Variants in ZNF292 observed in about 807,000 individuals in gnomAD.
ZNF292 encodes 16 zinc-finger domain protein.
In ZNF292, 26 loss-of-function variants were observed where a neutral mutation model predicts 217.9. That is an observed-to-expected ratio of 0.12 (90% confidence interval 0.09 to 0.17). The LOEUF is 0.17. ZNF292 is among the 10% of genes least tolerant of loss of function. ZNF292 has a pLI of 1.00. For synonymous variants in ZNF292, 1,257 were observed against 1,124.1 expected (o/e 1.12, Z -2.37); for missense variants, 2,904 against 3,175.2 (o/e 0.91, Z 2.05).
intron 1 of ZNF292, among the ~76,000 whole-genome samples, chr6:87,199,083 G>A (rs1351984729): frequency 2.6e-5 from 4 of 152,154 alleles, no homozygotes; most frequent in Non-Finnish European, 5.9e-5. Flanking sequence ...TTAAGAAACT[G>A]ACTATCCAAA....
chr6:87,180,795 G>A (rs1771449373), intron 1 of ZNF292, among the ~76,000 whole-genome samples: 1 of 152,056 alleles, frequency 6.6e-6, no homozygotes, highest in Admixed American at 6.6e-5. Flanking sequence ...TTCCTTCCGT[G>A]GATACCCTCA....
chr6:87,260,059 C>T lies in ZNF292; in HGVS notation c.6430C>T (p.Pro2144Ser). The T allele has an allele frequency of 6.2e-7, 1 of 1,613,546 alleles. No homozygotes were observed. The highest frequency in any genetic ancestry group is 8.5e-7 in the Non-Finnish European group (1 of 1,179,634). The change falls in exon 8 of 8, where the codon CCT (proline) becomes TCT (serine). Residue 2144 changes from proline (P) to serine (S), a missense_variant. Transcript: ENST00000369577. ...CCAGGCTGTACACAAATCAGATCTA[C>T]CTGCATTTTCAGCAGAGGTCGAAGA... is the stretch of plus-strand genomic sequence containing the variant. ...HYQAVHKSDL[P>S]AFSAEVEEES...
rs549081190 is a variant in ZNF292, at chr6:87,236,845, T to C, written c.741+3318T>C. Among the ~76,000 whole-genome samples, 68 of 152,380 alleles carry C rather than the reference T, an allele frequency of 4.5e-4. No homozygotes were observed. The East Asian group carries it at 0.012, about 26-fold the overall frequency. On this transcript the variant is annotated intron_variant, in intron 5 of 7. Coordinates refer to ENST00000369577, the MANE Select transcript of ZNF292 (RefSeq NM_015021.3). ...TCATATAGATCAACCTTATTCTTTC[T>C]CATGGCTACATAATTCCATAGTATG...
intron 1 of ZNF292, among the ~76,000 whole-genome samples, chr6:87,158,336 T>C (rs1770613043): frequency 6.6e-6 from 1 of 152,180 alleles, no homozygotes. Context: ...CTATTTATGT[T>C]AGTGATCTTG....
intron 7 of ZNF292, among the ~76,000 whole-genome samples, chr6:87,246,496 G>A (rs538450835): frequency 6.6e-6 from 1 of 152,214 alleles, no homozygotes; most frequent in African/African-American, 2.4e-5. Flanking sequence ...TGGAGATTGG[G>A]ATATGTTGCT....
intron 1 of ZNF292, among the ~76,000 whole-genome samples, chr6:87,214,228 T>C (rs1229674073): frequency 6.6e-6 from 1 of 152,318 alleles, no homozygotes; most frequent in East Asian, 1.9e-4. Context: ...AGCTACAATG[T>C]CATTTGTTCA....
At chr6:87,196,339 C>CAT (rs1380002177) in intron 1 of ZNF292, among the ~76,000 whole-genome samples, 2 of 152,180 alleles carry the variant, frequency 1.3e-5, no homozygotes, top group Non-Finnish European at 2.9e-5. Flanking sequence ...CCACTTTCAG[C>CAT]ATTGCCACTT....
chr6:87,204,112 T>C (rs1263911375), intron 1 of ZNF292, among the ~76,000 whole-genome samples: 1 of 152,186 alleles, frequency 6.6e-6, no homozygotes, highest in Non-Finnish European at 1.5e-5. Flanking sequence ...TTGAGGGATA[T>C]TCTACAAAAT....
rs752721353 is a variant in ZNF292, at chr6:87,259,630, C to A, written c.6001C>A (p.Arg2001=). ...KSQSENVPAS[R]STQVKKQLAM... ...TCAGAGTGAAAATGTGCCGGCCTCA[C>A]GAAGTACACAAGTGAAAAAACAGCT... Residue 2001 remains arginine (R), a synonymous_variant, in exon 8 of 8, where the codon CGA becomes AGA. Transcript: ENST00000369577. 2.5e-6 allele frequency: 4 copies of A among 1,582,962 alleles called. No homozygotes were observed. The highest frequency in any genetic ancestry group is 3.4e-6 in the Non-Finnish European group (4 of 1,163,908).
chr6:87,249,160 T>C (rs1774762535), intron 7 of ZNF292, among the ~76,000 whole-genome samples: 2 of 152,196 alleles, frequency 1.3e-5, no homozygotes. Context: ...AGAGTCTTCC[T>C]CTGTCATCCA....
intron 1 of ZNF292, among the ~76,000 whole-genome samples, chr6:87,213,172 C>T (rs1040984387): frequency 6.6e-5 from 10 of 152,128 alleles, no homozygotes; most frequent in South Asian, 2.1e-4. Context: ...GCTAAGCATT[C>T]AGTGGTTTGT....
intron 7 of ZNF292, among the ~76,000 whole-genome samples, chr6:87,252,271 C>T (rs1178524283): frequency 1.3e-5 from 2 of 151,910 alleles, no homozygotes; most frequent in East Asian, 1.9e-4. Flanking sequence ...CCTGCCTTAG[C>T]CTCCTCAGTA....
Position 87,258,128 on chromosome 6 carries a change from C to G in ZNF292, c.4499C>G (p.Pro1500Arg). The G allele has an allele frequency of 6.2e-7, 1 of 1,612,300 alleles. No homozygotes were observed. Among genetic ancestry groups the G allele is most frequent in the Non-Finnish European group, 8.5e-7 (1 of 1,179,190 alleles). ...CAGGCTTTGGAAACTGCTGGCATTC[C>G]CAGTACATTTGAGGGTGCCGAAATG... The part of the protein sequence containing the change: ...IKQALETAGI[P>R]STFEGAEMLS... The change falls in exon 8 of 8, where the codon CCC (proline) becomes CGC (arginine). Residue 1500 changes from proline to arginine, a missense_variant. Physicochemically the swap from Pro to Arg is moderately radical, Grantham distance 103 (BLOSUM62 -2). Coordinates refer to ENST00000369577, the MANE Select transcript of ZNF292 (RefSeq NM_015021.3).
intron 1 of ZNF292, among the ~76,000 whole-genome samples, chr6:87,183,982 T>C (rs1246210669): frequency 6.6e-6 from 1 of 152,142 alleles, no homozygotes; most frequent in Non-Finnish European, 1.5e-5. Flanking sequence ...CAAATACAGA[T>C]GTAAAAAAAG....
chr6:87,193,545 A>G (rs377134669), intron 1 of ZNF292, among the ~76,000 whole-genome samples: 1 of 152,026 alleles, frequency 6.6e-6, no homozygotes, highest in Non-Finnish European at 1.5e-5. Context: ...TTCCAAAAAA[A>G]AAAAAGAAAA....
chr6:87,177,208 T>C (rs1771330197), intron 1 of ZNF292, among the ~76,000 whole-genome samples: 2 of 151,530 alleles, frequency 1.3e-5, no homozygotes, highest in South Asian at 2.1e-4. Context: ...ATGCCTGTAA[T>C]CCCAGCTACT....
rs543363081 is a variant in ZNF292 at position 87,256,552 on chromosome 6, G to A, written c.2923G>A (p.Glu975Lys). Reference protein sequence around the residue: ...ALVTDLHTPVEDTCNDLCHPG... With the variant: ...ALVTDLHTPVKDTCNDLCHPG... ...GGTCACAGACTTACATACGCCAGTTGAAGATACTTGTAATGATTTGTGTCA... is the reference window on the plus strand; with the variant it reads ...GGTCACAGACTTACATACGCCAGTTAAAGATACTTGTAATGATTTGTGTCA... Residue 975 changes from glutamate (E) to lysine (K), a missense_variant, in exon 8 of 8, where the codon GAA (glutamate) becomes AAA (lysine). Transcript: ENST00000369577. The A allele has an allele frequency of 4.5e-5, 73 of 1,613,500 alleles. 1 individual carries two copies. The South Asian group carries it at 7.0e-4, about 16-fold the overall frequency.
intron 1 of ZNF292, among the ~76,000 whole-genome samples, chr6:87,183,594 TG>T (rs1771537902): frequency 6.6e-6 from 1 of 152,196 alleles, no homozygotes; most frequent in Non-Finnish European, 1.5e-5. Context: ...TTTTAAAAGA[TG>T]TTTATTTACA....
rs771758876 is a variant in ZNF292 at position 87,260,611 on chromosome 6, A to G, written c.6982A>G (p.Ile2328Val). The stretch of plus-strand genomic sequence containing the variant: ...GCACAGCAGATGTGGAAAGGAAGGA[A>G]TAAAAATGCCCAAGACCAAACGAAA... Reference protein sequence around the residue: ...TKHSRCGKEGIKMPKTKRKKK... With the variant: ...TKHSRCGKEGVKMPKTKRKKK... Residue 2328 changes from isoleucine (I) to valine (V), a missense_variant, in exon 8 of 8, where the codon ATA becomes GTA. By Grantham distance (29) the Ile-to-Val change is conservative (BLOSUM62 3). Around this residue, in one of 15 missense-constraint regions of ZNF292, gnomAD observed 101 missense variants for 89.5 expected, o/e 1.13. Transcript: ENST00000369577. 1 of 1,613,084 alleles carries G rather than the reference A, an allele frequency of 6.2e-7. No homozygotes were observed.
Sources: allele counts gnomAD v4.1 joint callset (sites outside exome capture counted in the v4.1 genomes callset), GRCh38; gene constraint gnomAD v4.1.1; regional missense constraint gnomAD v4.1.1; transcripts MANE v1.5; gene names NCBI Gene and HGNC (gene_info 2026-07-23, HGNC 2026-07-21).